Variants in CCND3 observed in about 807,000 individuals in gnomAD.
The protein encoded by CCND3 is G1/S-specific cyclin-D3.
Under a neutral mutation model 28.7 loss-of-function variants are expected in CCND3, and 9 were observed. The observed-to-expected ratio is 0.31, with a 90% CI of 0.19 to 0.55. CCND3 has a LOEUF of 0.55. Among genes scored for constraint, CCND3 ranks in the 20% least tolerant of loss-of-function variants. The pLI is 0.93. For missense variants in CCND3, 315 were observed against 385.8 expected, an observed-to-expected ratio of 0.82 and a Z score of 1.54; for synonymous variants, 164 against 163.9, an observed-to-expected ratio of 1.00 and a Z score of 0.00.
At chr6:42,005,794 A>C (rs577518851) in intron 1 of CCND3, among the ~76,000 whole-genome samples, 2 of 151,818 alleles carry the variant, frequency 1.3e-5, no homozygotes, top group African/African-American at 2.4e-5. Flanking sequence ...GGCGATTCTC[A>C]TGCCTCAGCC....
chr6:41,940,381 G>A lies in CCND3; in HGVS notation c.403C>T (p.Arg135Cys), dbSNP rs372683341. The A allele has an allele frequency of 3.1e-6, 5 of 1,613,926 alleles. No individual in the cohort carries two copies. In the South Asian group the frequency reaches 4.4e-5, roughly 14 times the overall value. Residue 135 changes from arginine (R) to cysteine (C), a missense_variant, in exon 2 of 5, where the codon CGC becomes TGC. Arg to Cys is a radical substitution (Grantham distance 180). Coordinates refer to ENST00000372991, the MANE Select transcript of CCND3 (RefSeq NM_001760.5). ...CIYTDHAVSPRQLRDWEVLVL... is the reference protein window; with the variant it reads ...CIYTDHAVSPCQLRDWEVLVL... The stretch of plus-strand genomic sequence containing the variant: ...AGTTACACACGCACCCGCAACTGGC[G>A]GGGAGAGACAGCGTGGTCGGTGTAG...
intron 1 of CCND3, among the ~76,000 whole-genome samples, chr6:42,038,573 A>G (rs1011210803): frequency 1.3e-5 from 2 of 151,954 alleles, no homozygotes; most frequent in South Asian, 4.1e-4. Context: ...AAGAGGGCAT[A>G]TCAAAAATAA....
Position 41,936,460 on chromosome 6 carries a change from G to T in CCND3, c.711+99C>A. ...CCCCAAGGTTGTGAAACCAGGACTT[G>T]GGACCAGGTTGGGGTTGGAGGTTTC... On this transcript the variant is annotated intron_variant, in intron 4 of 4. Coordinates refer to ENST00000372991, the MANE Select transcript of CCND3 (RefSeq NM_001760.5). The surrounding 1 kb of genome is among the most constrained non-coding windows in gnomAD (Gnocchi z 4.4). 1 of 1,394,182 alleles carries T rather than the reference G, an allele frequency of 7.2e-7. No individual in the cohort carries two copies. The highest frequency in any genetic ancestry group is 1.3e-5 in the South Asian group (1 of 76,896). The allele number at this position is 1,394,182 out of a possible 1,614,324, so 86.4% of individuals were successfully genotyped here.
intron 1 of CCND3, among the ~76,000 whole-genome samples, chr6:42,047,839 G>A (rs1764589995): frequency 6.6e-6 from 1 of 152,108 alleles, no homozygotes. Context: ...TCTCTCTGAA[G>A]CCTTCCCAGC....
chr6:41,953,540 C>G lies in CCND3; in HGVS notation c.-45-12955G>C, dbSNP rs1320993022. On this transcript the variant is annotated intron_variant, in intron 1 of 4. Transcript: ENST00000372988. Reference sequence around the variant, plus strand: ...GTGCCCAAGGAATCTCATGGAGAACCAGTAAGAATGGGGATTCCCATTTTG... The same window carrying G: ...GTGCCCAAGGAATCTCATGGAGAACGAGTAAGAATGGGGATTCCCATTTTG... 2.0e-5 allele frequency among the ~76,000 whole-genome samples: 3 copies of G among 152,028 alleles called. No homozygotes were observed. The East Asian group carries it at 5.8e-4, about 29-fold the overall frequency.
At chr6:42,020,979 T>C (rs1763694712) in intron 1 of CCND3, among the ~76,000 whole-genome samples, 1 of 152,220 alleles carries the variant, frequency 6.6e-6, no homozygotes, top group South Asian at 2.1e-4. Flanking sequence ...CTCAAACTCT[T>C]GACCTCAGGT....
chr6:41,939,932 C>T lies in CCND3; in HGVS notation c.414+438G>A, dbSNP rs1329546976. Among the ~76,000 whole-genome samples the T allele has an allele frequency of 6.6e-6, 1 of 152,162 alleles. No individual in the cohort carries two copies. The highest frequency in any genetic ancestry group is 1.5e-5 in the Non-Finnish European group (1 of 68,032). The stretch of plus-strand genomic sequence containing the variant: ...CACAAAGTCCACATGAGGATAAAGA[C>T]TCAACCAAGGCAAAACCCCCTCCCC... On this transcript the variant is annotated intron_variant, in intron 2 of 4. Transcript: ENST00000372991. This position sits in a 1 kb window ranked among gnomAD's most constrained non-coding sequence, Gnocchi z 4.2.
At chr6:42,024,397 A>G (rs1161051681) in intron 1 of CCND3, among the ~76,000 whole-genome samples, 2 of 120,646 alleles carry the variant, frequency 1.7e-5, no homozygotes, top group Non-Finnish European at 3.5e-5. Flanking sequence ...AGCAAGACTC[A>G]GTCTCAAAAA....
intron 1 of CCND3, among the ~76,000 whole-genome samples, chr6:42,020,268 C>G (rs7771552): frequency 6.6e-6 from 1 of 151,798 alleles, no homozygotes; most frequent in Non-Finnish European, 1.5e-5. Flanking sequence ...GGCGGCAGAG[C>G]GAGACTCTGT....
At chr6:41,955,754 CA>C (rs1328522017) in intron 1 of CCND3, among the ~76,000 whole-genome samples, 1 of 151,310 alleles carries the variant, frequency 6.6e-6, no homozygotes, top group Non-Finnish European at 1.5e-5. Context: ...CCAGCCTGGG[CA>C]ACAAAGTAAG....
intron 1 of CCND3, among the ~76,000 whole-genome samples, chr6:42,030,896 G>A (rs958219828): frequency 2.0e-5 from 3 of 152,154 alleles, no homozygotes; most frequent in African/African-American, 4.8e-5. Context: ...CCCCTGGAGC[G>A]GGTGGGAACA....
Position 41,941,793 on chromosome 6 carries a change from G to T in CCND3, c.-144C>A. 2 of 384,936 alleles carry T rather than the reference G, an allele frequency of 5.2e-6. No individual in the cohort carries two copies. The highest frequency in any genetic ancestry group is 4.2e-6 in the Non-Finnish European group (1 of 235,658). 23.8% of individuals were successfully genotyped at this position (384,936 alleles called of 1,614,324 possible). A position where few individuals can be genotyped will look rare whatever the true frequency, so the allele number is the denominator to read the frequency against. ...CAGCCCGCCCGCCGCCCGCGCGCGC[G>T]CGCCGCTTCCCTGACAGGCGCCCCG... On this transcript the variant is annotated 5_prime_UTR_variant, in exon 1 of 5. Transcript: ENST00000372991. The surrounding 1 kb of genome is among the most constrained non-coding windows in gnomAD (Gnocchi z 6.1).
intron 1 of CCND3, among the ~76,000 whole-genome samples, chr6:42,040,417 C>CAAAACA (rs1381864126): frequency 6.6e-6 from 1 of 151,512 alleles, no homozygotes; most frequent in Non-Finnish European, 1.5e-5. Flanking sequence ...GACTCTGTCT[C>CAAAACA]AAAACAAAAA....
At chr6:41,945,744 A>C (rs546329420), upstream of CCND3, among the ~76,000 whole-genome samples, 6 of 152,312 alleles carry the variant, frequency 3.9e-5, no homozygotes, top group East Asian at 1.2e-3. Context: ...TGAGAGAATT[A>C]CTGGAACCTC....
intron 1 of CCND3, among the ~76,000 whole-genome samples, chr6:42,024,735 A>G (rs1472644014): frequency 6.6e-6 from 1 of 152,140 alleles, no homozygotes; most frequent in Non-Finnish European, 1.5e-5. Context: ...AGCCTGGCCA[A>G]CATGGTGAAA....
chr6:41,945,139 G>A (rs1776136514), upstream of CCND3, among the ~76,000 whole-genome samples: 1 of 152,172 alleles, frequency 6.6e-6, no homozygotes, highest in Admixed American at 6.5e-5. Flanking sequence ...GAGGAGGGGT[G>A]GGAATGGAAT....
At chr6:42,034,174 C>G (rs4711704) in intron 1 of CCND3, among the ~76,000 whole-genome samples, 36,165 of 146,896 alleles carry the variant, frequency 0.25, 4,755 homozygotes, top group Admixed American at 0.32. Context: ...TGAGATGGAG[C>G]CTCGCTCTTG....
rs61213270 is a variant in CCND3, at chr6:41,978,137, G to A, written c.-45-37552C>T. 8.8e-3 allele frequency among the ~76,000 whole-genome samples: 1,345 copies of A among 152,142 alleles called. 21 individuals are homozygous for A. The highest frequency in any genetic ancestry group is 0.031 in the African/African-American group (1,284 of 41,512). On this transcript the variant is annotated intron_variant, in intron 1 of 4. Coordinates refer to the CCND3 transcript ENST00000372988. ...TGCCTGTAATCCCAGCACTTTGGGA[G>A]GCCGAGACGGGTGGATCACGAGGTC...
intron 1 of CCND3, among the ~76,000 whole-genome samples, chr6:41,958,499 T>C (rs376132393): frequency 1.6e-4 from 24 of 152,294 alleles, no homozygotes; most frequent in African/African-American, 3.6e-4. Context: ...ACACAAGATA[T>C]ACCTGGGGCC....
Sources: gnomAD v4.1 joint callset for allele counts (sites outside exome capture counted in the v4.1 genomes callset) on GRCh38, gnomAD v4.1.1 for gene constraint, Gnocchi (gnomAD v3.1) non-coding constraint, MANE v1.5 for transcripts, NCBI Gene and HGNC (gene_info 2026-07-23, HGNC 2026-07-21) for gene names.